The following BMS1 variants were observed in gnomAD, a reference collection of about 807,000 sequenced individuals.
BMS1 encodes the protein BMS1 ribosome biogenesis factor, also known as ribosome biogenesis protein BMS1 homolog.
BMS1 carries 53 observed loss-of-function variants against 138.7 expected under a neutral mutation model. That is an observed-to-expected ratio of 0.38 (90% CI 0.31 to 0.48). The LOEUF (loss-of-function observed/expected upper bound fraction) is 0.48. Among genes scored for constraint, BMS1 ranks in the 20% least tolerant of loss-of-function variants. The pLI, the probability that BMS1 is intolerant of heterozygous loss-of-function variation, is 0.97. For missense variants in BMS1, 1,360 were observed against 1,565.5 expected, an observed-to-expected ratio of 0.87 and a Z score of 2.22; for synonymous variants, 504 against 539.9, an observed-to-expected ratio of 0.93 and a Z score of 0.92.
chr10:42,785,350 T>C, intron 2 of BMS1, 132 bp from the exon 3 acceptor site: 2 of 656,610 alleles, frequency 3.0e-6, no homozygotes, highest in Non-Finnish European at 4.9e-6. Context: ...TCTGTTGTAC[T>C]CTCTATAAAA....
intron 18 of BMS1, 94 bp downstream of exon 18, chr10:42,821,086 A>G: frequency 2.8e-6 from 3 of 1,052,946 alleles, no homozygotes; most frequent in Non-Finnish European, 4.2e-6. Flanking sequence ...GTTGAAAATT[A>G]CTCATTTTTA....
Position 42,820,491 on chromosome 10 carries a change from C to T in BMS1, c.2770-17C>T, listed in dbSNP as rs748050250. The T allele has an allele frequency of 4.2e-5, 67 of 1,610,780 alleles. No individual in the cohort carries two copies. In the Middle Eastern group the frequency reaches 6.4e-4, roughly 15 times the overall value. ...GATTTCCCCTCCATCAATCATCTTACCCTCTCGTCCCCTCAGATGCGTCTG... is the reference window on the plus strand; with the variant it reads ...GATTTCCCCTCCATCAATCATCTTATCCTCTCGTCCCCTCAGATGCGTCTG... On this transcript the variant is annotated splice_polypyrimidine_tract_variant and intron_variant, in intron 16 of 22. Coordinates refer to ENST00000374518, the MANE Select transcript of BMS1 (RefSeq NM_014753.4).
At chr10:42,802,329 G>A (rs1299206989) in intron 13 of BMS1, 111 bp downstream of exon 13, 3 of 911,132 alleles carry the variant, frequency 3.3e-6, no homozygotes, top group Non-Finnish European at 4.8e-6. Flanking sequence ...CAAATGCTTT[G>A]GGAATTCAGA....
chr10:42,791,507 CAG>C (rs1268993625), intron 5 of BMS1, 118 bp from the exon 6 acceptor site: 188 of 1,031,992 alleles, frequency 1.8e-4, no homozygotes, highest in South Asian at 9.0e-4. Context: ...AGCCTCAGGA[CAG>C]TGGCTTTGCT....
chr10:42,809,791 C>A (rs141744417), intron 13 of BMS1, among the ~76,000 whole-genome samples: 61 of 151,924 alleles, frequency 4.0e-4, no homozygotes, highest in African/African-American at 1.5e-3. Flanking sequence ...TTACACTGAT[C>A]CTTTTATTTT....
In BMS1 at chr10:42,831,022, T is replaced by A. The variant is rs1430016787; in HGVS notation, c.3775T>A (p.Phe1259Ile). ...KRQKDLRKKL[F>I]RIQGQKERRN... ...GCAGAAGGACCTCAGGAAGAAGCTC[T>A]TCAGAATTCAGGGGCAGAAGGAAAG... Residue 1259 changes from phenylalanine to isoleucine, a missense_variant, in exon 23 of 23, where the codon TTC becomes ATC. Around this residue, in one of 3 missense-constraint regions of BMS1, gnomAD observed 425 missense variants for 568.3 expected, o/e 0.75. Transcript: ENST00000374518. 1.3e-6 allele frequency: 2 copies of A among 1,596,152 alleles called. No individual in the cohort carries two copies. Among genetic ancestry groups the A allele is most frequent in the African/African-American group, 2.7e-5 (2 of 74,622 alleles).
intron 13 of BMS1, among the ~76,000 whole-genome samples, chr10:42,805,286 T>G (rs1421409280): frequency 6.6e-6 from 1 of 152,156 alleles, no homozygotes; most frequent in African/African-American, 2.4e-5. Context: ...GTTGGCCATA[T>G]ATGGGTGAAT....
chr10:42,814,561 G>C (rs1469024495), intron 13 of BMS1, among the ~76,000 whole-genome samples: 1 of 152,210 alleles, frequency 6.6e-6, no homozygotes, highest in African/African-American at 2.4e-5. Flanking sequence ...GAGTCAGATG[G>C]TTCCAACATC....
At chr10:42,801,691 C>T (rs1029559295) in intron 12 of BMS1, among the ~76,000 whole-genome samples, 3 of 152,084 alleles carry the variant, frequency 2.0e-5, no homozygotes, top group Admixed American at 6.6e-5. Flanking sequence ...TAGTTGTATG[C>T]GTTGTTTATA....
At position 42,823,764 on chromosome 10, in the gene BMS1, A is replaced by G. The variant is rs1490368779; in HGVS notation, c.3436A>G (p.Asn1146Asp). 1 of 1,592,594 alleles carries G rather than the reference A, an allele frequency of 6.3e-7. No homozygotes were observed. Among genetic ancestry groups the G allele is most frequent in the East Asian group, 2.2e-5 (1 of 44,806 alleles). ...CGCCCATGGCGTCAGACTAAAGGCG[A>G]ACAAGGACTCTCTGTATAAGGTACT... Reference protein sequence around the residue: ...RLAHGVRLKANKDSLYKPILR... With the variant: ...RLAHGVRLKADKDSLYKPILR... The change falls in exon 21 of 23, where the codon AAC becomes GAC. Residue 1146 changes from asparagine (N) to aspartate (D), a missense_variant. Physicochemically the swap from Asn to Asp is conservative, Grantham distance 23. Around this residue, in one of 3 missense-constraint regions of BMS1, gnomAD observed 425 missense variants for 568.3 expected, o/e 0.75. Transcript: ENST00000374518.
At chr10:42,807,568 T>C (rs1370517209) in intron 13 of BMS1, among the ~76,000 whole-genome samples, 3 of 152,160 alleles carry the variant, frequency 2.0e-5, no homozygotes, top group Non-Finnish European at 4.4e-5. Context: ...CCTCCTAGGC[T>C]CAAGTGATCT....
intron 9 of BMS1, among the ~76,000 whole-genome samples, 162 bp from the exon 10 acceptor site, chr10:42,796,312 C>T (rs1418964922): frequency 1.3e-5 from 2 of 152,268 alleles, no homozygotes; most frequent in South Asian, 2.1e-4. Context: ...TGCTTCTTAA[C>T]TCTTCCAATG....
At chr10:42,803,466 A>G (rs1799441280) in intron 13 of BMS1, among the ~76,000 whole-genome samples, 1 of 151,876 alleles carries the variant, frequency 6.6e-6, no homozygotes, top group African/African-American at 2.4e-5. Flanking sequence ...TTCTTTATAT[A>G]TATATAATTT....
chr10:42,786,728 T>A (rs771491279), intron 3 of BMS1, among the ~76,000 whole-genome samples: 1 of 152,086 alleles, frequency 6.6e-6, no homozygotes, highest in Non-Finnish European at 1.5e-5. Flanking sequence ...GCCCAGCCCA[T>A]ATTTTCTTGA....
At chr10:42,806,519 G>A (rs1279617264) in intron 13 of BMS1, among the ~76,000 whole-genome samples, 2 of 151,916 alleles carry the variant, frequency 1.3e-5, no homozygotes, top group African/African-American at 2.4e-5. Flanking sequence ...GGCGGATCAC[G>A]AGGTCAGGAG....
At chr10:42,806,331 A>AT (rs1422392304) in intron 13 of BMS1, among the ~76,000 whole-genome samples, 1 of 152,028 alleles carries the variant, frequency 6.6e-6, no homozygotes, top group African/African-American at 2.4e-5. Flanking sequence ...GGATGACTTA[A>AT]TTTTTCTTGC....
intron 12 of BMS1, among the ~76,000 whole-genome samples, chr10:42,800,329 T>C (rs992930681): frequency 1.3e-5 from 2 of 152,146 alleles, no homozygotes; most frequent in Non-Finnish European, 2.9e-5. Context: ...AGACTGGTTG[T>C]GTCCTTTTAA....
intron 1 of BMS1, among the ~76,000 whole-genome samples, 154 bp downstream of exon 1, chr10:42,782,984 T>G (rs1841201589): frequency 2.0e-5 from 3 of 151,920 alleles, no homozygotes. Context: ...GGCGGAGGTG[T>G]CCTGGGGTAG....
Position 42,831,372 on chromosome 10 carries a change from A to G in BMS1, c.*276A>G, listed in dbSNP as rs1304076835. 2 of 324,674 alleles carry G rather than the reference A, an allele frequency of 6.2e-6. No individual in the cohort carries two copies. Among genetic ancestry groups the G allele is most frequent in the African/African-American group, 2.1e-5 (1 of 47,442 alleles). The allele number at this position is 324,674 out of a possible 1,614,324, so 20.1% of individuals were successfully genotyped here. A position where few individuals can be genotyped will look rare whatever the true frequency, so the allele number is the denominator to read the frequency against. On this transcript the variant is annotated 3_prime_UTR_variant, in exon 23 of 23. Transcript: ENST00000374518. ...TGCCTCAGTTTAATTATTTTGTCCTACAGAAATATCATTAAAATATTTTTT... is the reference window on the plus strand; with the variant it reads ...TGCCTCAGTTTAATTATTTTGTCCTGCAGAAATATCATTAAAATATTTTTT...
Sources: allele counts gnomAD v4.1 joint callset (sites outside exome capture counted in the v4.1 genomes callset), GRCh38; gene constraint gnomAD v4.1.1; regional missense constraint gnomAD v4.1.1; transcripts MANE v1.5; gene names NCBI Gene and HGNC (gene_info 2026-07-23, HGNC 2026-07-21).